Variants in CCDC158 observed in about 807,000 individuals in gnomAD.
CCDC158 encodes the protein coiled-coil domain containing 158, also known as coiled-coil domain-containing protein 158.
CCDC158 carries 116 observed loss-of-function variants against 138.6 expected under a neutral mutation model. The ratio of observed to expected loss-of-function variants is 0.84; its 90% CI spans 0.72 to 0.98. The LOEUF is 0.98. Ranked by LOEUF, CCDC158 falls within the 50% of genes least tolerant of loss-of-function variation. The pLI, the probability that CCDC158 is intolerant of heterozygous loss-of-function variation, is 0.00. For synonymous variants in CCDC158, 436 were observed against 442.4 expected, an observed-to-expected ratio of 0.99 and a Z score of 0.18; for missense variants, 1,265 against 1,306.1, an observed-to-expected ratio of 0.97 and a Z score of 0.48.
intron 9 of CCDC158, among the ~76,000 whole-genome samples, chr4:76,373,980 C>G (rs1725487189): frequency 6.6e-6 from 1 of 151,834 alleles, no homozygotes; most frequent in Admixed American, 6.6e-5. Flanking sequence ...ATAGTGAGAC[C>G]CCATCTCTAC....
rs774082625 is a variant in CCDC158 at position 76,396,414 on chromosome 4, A to G, written c.143T>C (p.Leu48Ser). Reference sequence around the variant, plus strand: ...TTTAGGGAAAAAAGGAACCTGTGTCAAAGTCCCAGCTGAAGATGTGTTTTC... The same window carrying G: ...TTTAGGGAAAAAAGGAACCTGTGTCGAAGTCCCAGCTGAAGATGTGTTTTC... ...IIENTSSAGT[L>S]TQVPFFPKYE... The change falls in exon 4 of 25, where the codon TTG becomes TCG. Residue 48 changes from leucine (L) to serine (S), a missense_variant. Physicochemically the swap from Leu to Ser is moderately radical, Grantham distance 145. Coordinates refer to ENST00000682701, the MANE Select transcript of CCDC158 (RefSeq NM_001394954.1). The G allele has an allele frequency of 2.5e-6, 4 of 1,614,110 alleles. No homozygotes were observed. In the South Asian group the frequency reaches 3.3e-5, roughly 13 times the overall value.
Position 76,403,135 on chromosome 4 carries a change from T to A in CCDC158, c.70+3A>T. On this transcript the variant is annotated splice_donor_region_variant and intron_variant, in intron 3 of 24. Coordinates refer to ENST00000682701, the MANE Select transcript of CCDC158 (RefSeq NM_001394954.1). ...CCCATTTTGTTTTATAAACAGCACATACCTCCATTAGATGTGACACCACTA... is the reference window on the plus strand; with the variant it reads ...CCCATTTTGTTTTATAAACAGCACAAACCTCCATTAGATGTGACACCACTA... 1 of 1,596,444 alleles carries A rather than the reference T, an allele frequency of 6.3e-7. No individual in the cohort carries two copies. The highest frequency in any genetic ancestry group is 8.6e-7 in the Non-Finnish European group (1 of 1,168,722).
chr4:76,337,182 G>T (rs1311354479), intron 18 of CCDC158, among the ~76,000 whole-genome samples: 1 of 152,056 alleles, frequency 6.6e-6, no homozygotes, highest in East Asian at 1.9e-4. Flanking sequence ...GAGAGATGGG[G>T]TTTTGCCATG....
chr4:76,351,089 A>T lies in CCDC158; in HGVS notation c.2571T>A (p.Ser857=). The change falls in exon 18 of 25, where the codon TCT becomes TCA. Residue 857 remains serine (S), a synonymous_variant. Transcript: ENST00000682701. ...GCTGGAGAAGGCGTGGTTTCAATGA[A>T]GAATTTGAGGTGTATCCAGGGCCCT... ...ELQGPGYTSN[S]SLKPRLLQPA... 6.2e-7 allele frequency: 1 copy of T among 1,613,910 alleles called. No homozygotes were observed. Among genetic ancestry groups the T allele is most frequent in the Non-Finnish European group, 8.5e-7 (1 of 1,179,874 alleles).
At chr4:76,381,648 A>G (rs192835118) in intron 8 of CCDC158, among the ~76,000 whole-genome samples, 13 of 152,312 alleles carry the variant, frequency 8.5e-5, no homozygotes, top group Admixed American at 2.0e-4. Flanking sequence ...TGCTTAAATG[A>G]GTTAAGACTA....
chr4:76,382,168 C>T (rs1726320655), intron 8 of CCDC158, among the ~76,000 whole-genome samples: 1 of 152,142 alleles, frequency 6.6e-6, no homozygotes, highest in Admixed American at 6.5e-5. Context: ...AAGTGTGGCA[C>T]ATCCCCATTC....
chr4:76,396,618 C>T (rs1483413394), intron 3 of CCDC158, 132 bp from the exon 4 acceptor site: 2 of 621,474 alleles, frequency 3.2e-6, no homozygotes, highest in Non-Finnish European at 5.6e-6. Flanking sequence ...TCAAGCAATT[C>T]TCCTGCCTCA....
At chr4:76,339,291 A>G (rs533330830) in intron 18 of CCDC158, among the ~76,000 whole-genome samples, 1 of 152,192 alleles carries the variant, frequency 6.6e-6, no homozygotes, top group South Asian at 2.1e-4. Flanking sequence ...GCCCCTTACT[A>G]TTGGTGAAGA....
intron 8 of CCDC158, among the ~76,000 whole-genome samples, chr4:76,380,690 C>A (rs1243229730): frequency 6.6e-6 from 1 of 152,012 alleles, no homozygotes; most frequent in Non-Finnish European, 1.5e-5. Context: ...ATTCAAGCTG[C>A]CGGCTGCAGA....
intron 9 of CCDC158, among the ~76,000 whole-genome samples, chr4:76,374,133 G>A (rs750955222): frequency 6.6e-6 from 1 of 151,992 alleles, no homozygotes; most frequent in Non-Finnish European, 1.5e-5. Context: ...TCCAGCCTTG[G>A]CAACAGAGTG....
At chr4:76,326,073 C>A (rs1720505683) in intron 22 of CCDC158, 58 bp from the exon 23 acceptor site, 1 of 1,376,408 alleles carries the variant, frequency 7.3e-7, no homozygotes, top group African/African-American at 1.5e-5. Flanking sequence ...TAGCAAACTG[C>A]ACCTCTCAAA....
intron 4 of CCDC158, among the ~76,000 whole-genome samples, chr4:76,394,880 G>T (rs1727636579): frequency 6.6e-6 from 1 of 152,072 alleles, no homozygotes. Flanking sequence ...ATACCTAAGA[G>T]AAACTAATCT....
In CCDC158 at chr4:76,355,798, CGTGT is replaced by C. The variant is rs71212417; in HGVS notation, c.2174-366_2174-363del. Among the ~76,000 whole-genome samples, 454 of 145,566 alleles carry C rather than the reference CGTGT, an allele frequency of 3.1e-3. 4 individuals carry two copies. Among genetic ancestry groups the C allele is most frequent in the African/African-American group, 0.011 (427 of 39,440 alleles). On this transcript the variant is annotated intron_variant, in intron 14 of 24. Transcript: ENST00000682701. ...AAATATATAATATATAATATATGTACGTGTGTGTGTGTGTGTGTGTGTGTGTGTG... is the reference window on the plus strand; with the variant it reads ...AAATATATAATATATAATATATGTACGTGTGTGTGTGTGTGTGTGTGTGTG...
At chr4:76,372,428 G>C (rs1221698560) in intron 9 of CCDC158, among the ~76,000 whole-genome samples, 2 of 152,188 alleles carry the variant, frequency 1.3e-5, no homozygotes, top group Non-Finnish European at 2.9e-5. Context: ...CTGGGTGACA[G>C]AGCAAAACTG....
chr4:76,319,175 G>C (rs1437713074), intron 24 of CCDC158, among the ~76,000 whole-genome samples: 2 of 151,946 alleles, frequency 1.3e-5, no homozygotes, highest in African/African-American at 2.4e-5. Flanking sequence ...GGGAGGCTGA[G>C]GCAGGAGAAT....
intron 1 of CCDC158, among the ~76,000 whole-genome samples, chr4:76,418,418 T>C (rs925200235): frequency 6.6e-6 from 1 of 152,236 alleles, no homozygotes; most frequent in Non-Finnish European, 1.5e-5. Flanking sequence ...TTTTATGGTA[T>C]GTAAATTATA....
At position 76,367,346 on chromosome 4, in the gene CCDC158, G is replaced by T. The variant is rs1724776985; in HGVS notation, c.1778C>A (p.Ala593Asp). ...RTAGAMQVEK[A>D]QLEKEINDRR... ...ATCATTAATTTCTTTCTCCAGTTGA[G>T]CTTTTTCTACTTGCATAGCTCCAGC... Residue 593 changes from alanine to aspartate, a missense_variant, in exon 12 of 25, where the codon GCT (alanine) becomes GAT (aspartate). By Grantham distance (126) the Ala-to-Asp change is moderately radical. Transcript: ENST00000682701. The T allele has an allele frequency of 6.2e-7, 1 of 1,613,952 alleles. No individual in the cohort carries two copies. Among genetic ancestry groups the T allele is most frequent in the Non-Finnish European group, 8.5e-7 (1 of 1,179,876 alleles).
chr4:76,318,808 A>C (rs966174990), intron 24 of CCDC158, among the ~76,000 whole-genome samples: 4 of 152,218 alleles, frequency 2.6e-5, no homozygotes, highest in Admixed American at 6.5e-5. Context: ...AGGAAAGGAC[A>C]TAACAAAAAA....
intron 18 of CCDC158, chr4:76,344,942 G>A (rs1003904391): frequency 2.0e-6 from 3 of 1,515,480 alleles, no homozygotes; most frequent in Admixed American, 1.7e-5. Flanking sequence ...CTTCAAAAGT[G>A]TGGTGAAAAG....
Sources: allele counts gnomAD v4.1 joint callset (sites outside exome capture counted in the v4.1 genomes callset), GRCh38; gene constraint gnomAD v4.1.1; transcripts MANE v1.5; gene names NCBI Gene and HGNC (gene_info 2026-07-23, HGNC 2026-07-21).